The following TBX1 variants were observed in gnomAD, a reference collection of about 807,000 sequenced individuals.
TBX1 encodes T-box transcription factor TBX1.
Under a neutral mutation model 40.8 loss-of-function variants are expected in TBX1, and 16 were observed. The observed-to-expected ratio is 0.39, with a 90% CI of 0.27 to 0.60. The LOEUF (loss-of-function observed/expected upper bound fraction) is 0.60. Ranked by LOEUF, TBX1 falls within the 20% of genes least tolerant of loss-of-function variation. TBX1 has a pLI of 0.51. For synonymous variants in TBX1, 403 were observed against 336.8 expected, an observed-to-expected ratio of 1.20 and a Z score of -2.15; for missense variants, 755 against 728.5, an observed-to-expected ratio of 1.04 and a Z score of -0.42.
At position 19,761,152 on chromosome 22, in the gene TBX1, G is replaced by C. The variant is rs2052054188; in HGVS notation, c.309G>C (p.Ala103=). 4 of 1,493,640 alleles carry C rather than the reference G, an allele frequency of 2.7e-6. No individual in the cohort carries two copies. Among genetic ancestry groups the C allele is most frequent in the South Asian group, 1.2e-5 (1 of 80,908 alleles). 92.5% of individuals were successfully genotyped at this position (1,493,640 alleles called of 1,614,324 possible). ...CCGAGGGCCCCGGGGCCAGCTGCGC[G>C]GCCGCAGCCAAGGCGCCGGTGAAGA... ...AEPEGPGASC[A]AAAKAPVKKN... is the part of the protein sequence containing the mutation. Residue 103 remains alanine (A), a synonymous_variant, in exon 1 of 7, where the codon GCG becomes GCC. Coordinates refer to ENST00000649276, the MANE Select transcript of TBX1 (RefSeq NM_001379200.1).
At chr22:19,780,778 TTTTTTTTTTG>T (rs1337962896), downstream of TBX1, among the ~76,000 whole-genome samples, 1 of 142,212 alleles carries the variant, frequency 7.0e-6, no homozygotes, top group Non-Finnish European at 1.5e-5. Flanking sequence ...TGTTTTCTGT[TTTTTTTTTTG>T]TTTTTTTTTT....
At chr22:19,773,788 G>C (rs575392296) in intron 8 of TBX1, among the ~76,000 whole-genome samples, 134 of 152,352 alleles carry the variant, frequency 8.8e-4, no homozygotes, top group African/African-American at 3.1e-3. Context: ...GGGTGGGCCA[G>C]ACCCCTGGAC....
upstream of TBX1, among the ~76,000 whole-genome samples, chr22:19,760,192 G>C: frequency 7.9e-6 from 1 of 127,276 alleles, no homozygotes; most frequent in East Asian, 2.3e-4. Context: ...TCATAAAAAA[G>C]AAAAAAAGGA....
upstream of TBX1, chr22:19,759,526 C>T: frequency 6.5e-7 from 1 of 1,541,980 alleles, no homozygotes; most frequent in Non-Finnish European, 8.7e-7. Context: ...CTCCCCGAGC[C>T]AGTGCGTTCA....
At chr22:19,766,276 C>T in intron 6 of TBX1, 113 bp from the exon 7 acceptor site, 16 of 1,189,312 alleles carry the variant, frequency 1.3e-5, no homozygotes, top group Non-Finnish European at 1.7e-5. Context: ...ACCGACTGGT[C>T]GGGGAACACC....
Position 19,766,635 on chromosome 22 carries a change from C to T in TBX1, c.1283C>T (p.Pro428Leu), listed in dbSNP as rs1247147500. ...CTGCACCACCACCCCTACAAATATC[C>T]GGCCGCCGCCTACGACCACTATCTC... ...EPLHHHPYKY[P>L]AAAYDHYLGA... The change falls in exon 7 of 7, where the codon CCG becomes CTG. Residue 428 changes from proline (P) to leucine (L), a missense_variant. This residue lies in a region of TBX1 where 412 missense variants were observed against 317.6 expected (regional missense o/e 1.30). Coordinates refer to ENST00000649276, the MANE Select transcript of TBX1 (RefSeq NM_001379200.1). The T allele has an allele frequency of 3.2e-6, 5 of 1,549,242 alleles. No homozygotes were observed. Among genetic ancestry groups the T allele is most frequent in the South Asian group, 1.2e-5 (1 of 85,808 alleles).
chr22:19,767,779 G>A (rs750093030), downstream of TBX1, among the ~76,000 whole-genome samples: 2 of 152,240 alleles, frequency 1.3e-5, no homozygotes, highest in Non-Finnish European at 2.9e-5. Flanking sequence ...AGACACTGCC[G>A]GTCGGTGCTG....
At chr22:19,766,322 C>A in intron 6 of TBX1, 67 bp from the exon 7 acceptor site, 1 of 1,229,566 alleles carries the variant, frequency 8.1e-7, no homozygotes, top group South Asian at 3.1e-5. Flanking sequence ...GCCAGGGCCT[C>A]GCATGGGGCG....
At chr22:19,760,636 C>A (rs1333337022), upstream of TBX1, among the ~76,000 whole-genome samples, 8 of 77,910 alleles carry the variant, frequency 1.0e-4, no homozygotes, top group Non-Finnish European at 2.0e-4. Context: ...GGGGGAGGGG[C>A]GAGGGCCGGG....
chr22:19,764,416 A>G (rs1417270815), intron 3 of TBX1, 90 bp downstream of exon 3: 1 of 1,542,774 alleles, frequency 6.5e-7, no homozygotes, highest in African/African-American at 1.4e-5. Flanking sequence ...TAGAATCCCC[A>G]GGCCCCCGGC....
upstream of TBX1, among the ~76,000 whole-genome samples, chr22:19,757,904 C>T (rs773755247): frequency 3.9e-5 from 6 of 152,226 alleles, no homozygotes; most frequent in Non-Finnish European, 8.8e-5. Context: ...GACAGCTTCC[C>T]TTTTCTGACA....
chr22:19,759,470 C>A, upstream of TBX1: 1 of 1,432,590 alleles, frequency 7.0e-7, no homozygotes, highest in Non-Finnish European at 9.1e-7. Flanking sequence ...TCGGAGGCGG[C>A]GCCGGCCAGG....
intron 4 of TBX1, 136 bp downstream of exon 4, chr22:19,765,249 A>C (rs1936793192): frequency 7.4e-7 from 1 of 1,354,636 alleles, no homozygotes; most frequent in East Asian, 2.4e-5. Flanking sequence ...ACCCAACTGG[A>C]GCCCCACTCC....
downstream of TBX1, among the ~76,000 whole-genome samples, chr22:19,781,007 C>T (rs1937137754): frequency 6.6e-6 from 1 of 152,092 alleles, no homozygotes. Context: ...TGGTCTCGAT[C>T]TCCTGACCTC....
At chr22:19,768,932 C>T (rs960889557), downstream of TBX1, among the ~76,000 whole-genome samples, 3 of 145,310 alleles carry the variant, frequency 2.1e-5, no homozygotes, top group South Asian at 4.6e-4. Flanking sequence ...CCGCCGCTGG[C>T]CATCCGGGGC....
chr22:19,758,571 T>A (rs539565495), upstream of TBX1, among the ~76,000 whole-genome samples: 24 of 152,286 alleles, frequency 1.6e-4, no homozygotes, highest in Admixed American at 1.5e-3. Context: ...GCAGGCAGGC[T>A]GGCTGCTGGG....
chr22:19,758,188 C>G (rs1339341749), upstream of TBX1, among the ~76,000 whole-genome samples: 2 of 152,198 alleles, frequency 1.3e-5, no homozygotes, highest in Non-Finnish European at 2.9e-5. Context: ...TCCTAAAAAC[C>G]CTGGGAGAGG....
chr22:19,759,507 G>C, upstream of TBX1: 1 of 1,510,182 alleles, frequency 6.6e-7, no homozygotes, highest in Non-Finnish European at 8.8e-7. Flanking sequence ...GACGCGCGGA[G>C]CCCGCTGTCT....
At chr22:19,765,681 C>T in intron 4 of TBX1, 77 bp from the exon 5 acceptor site, 1 of 1,530,856 alleles carries the variant, frequency 6.5e-7, no homozygotes, top group Middle Eastern at 1.8e-4. Flanking sequence ...TCTCCTAACA[C>T]TCCCCTATCC....
Sources: allele counts gnomAD v4.1 joint callset (sites outside exome capture counted in the v4.1 genomes callset), GRCh38; gene constraint gnomAD v4.1.1; regional missense constraint gnomAD v4.1.1; transcripts MANE v1.5; gene names NCBI Gene and HGNC (gene_info 2026-07-23, HGNC 2026-07-21).